Variants in PCNX1 observed in about 807,000 individuals in gnomAD.
PCNX1 encodes pecanex 1.
In PCNX1, 78 loss-of-function variants were observed where a neutral mutation model predicts 242.2. The observed-to-expected ratio is 0.32, with a 90% confidence interval of 0.27 to 0.39. PCNX1 has a LOEUF of 0.39. Ranked by LOEUF, PCNX1 falls within the 10% of genes least tolerant of loss-of-function variation. PCNX1 has a pLI of 1.00. For missense variants in PCNX1, 2,581 were observed against 2,856.5 expected (o/e 0.90, Z 2.20); for synonymous variants, 1,024 against 1,032.9 (o/e 0.99, Z 0.17).
intron 22 of PCNX1, among the ~76,000 whole-genome samples, chr14:71,050,063 TTAAAACA>T (rs2060978463): frequency 6.6e-6 from 1 of 152,234 alleles, no homozygotes; most frequent in African/African-American, 2.4e-5. Flanking sequence ...GACATTACAT[TTAAAACA>T]TAGTTTCCAA....
rs2062728723 is a variant in PCNX1, at chr14:71,110,184, T to C, written c.*249T>C. The C allele has an allele frequency of 1.9e-6, 1 of 527,216 alleles. No homozygotes were observed. Among genetic ancestry groups the C allele is most frequent in the Non-Finnish European group, 3.4e-6 (1 of 290,292 alleles). The allele number at this position is 527,216 out of a possible 1,614,324, so 32.7% of individuals were successfully genotyped here. A position where few individuals can be genotyped will look rare whatever the true frequency, so the allele number is the denominator to read the frequency against. ...CCGAGAAAACATTTTGCATGAAGGA[T>C]AAAGTTCTGTTAAAATACATCCTTA... On this transcript the variant is annotated 3_prime_UTR_variant, in exon 36 of 36. Transcript: ENST00000304743.
At chr14:71,102,286 T>G in intron 31 of PCNX1, 66 bp downstream of exon 31, 1 of 1,243,144 alleles carries the variant, frequency 8.0e-7, no homozygotes, top group Non-Finnish European at 1.2e-6. Context: ...TAAAATTTTT[T>G]TTTTTTGAGA....
chr14:71,029,322 C>T (rs956011316), intron 16 of PCNX1, among the ~76,000 whole-genome samples: 5 of 152,130 alleles, frequency 3.3e-5, no homozygotes. Context: ...TTGTAGACAG[C>T]TTTCAGCTCC....
At chr14:71,068,372 A>G (rs970029392) in intron 26 of PCNX1, among the ~76,000 whole-genome samples, 1 of 150,720 alleles carries the variant, frequency 6.6e-6, no homozygotes, top group Non-Finnish European at 1.5e-5. Context: ...ACATACATGT[A>G]TACATATATG....
intron 1 of PCNX1, among the ~76,000 whole-genome samples, chr14:70,923,868 A>G (rs1021026530): frequency 6.6e-5 from 10 of 152,198 alleles, no homozygotes; most frequent in Admixed American, 1.3e-4. Context: ...GTGTCCAGGT[A>G]CATTATTAAG....
chr14:71,041,125 C>T (rs1483824613), intron 19 of PCNX1, among the ~76,000 whole-genome samples: 2 of 152,132 alleles, frequency 1.3e-5, no homozygotes, highest in Non-Finnish European at 1.5e-5. Flanking sequence ...ATGAACAGTG[C>T]TGCAACAAAC....
At chr14:70,976,356 C>G (rs891117972) in intron 5 of PCNX1, among the ~76,000 whole-genome samples, 4 of 63,798 alleles carry the variant, frequency 6.3e-5, no homozygotes, top group African/African-American at 2.5e-4. Flanking sequence ...CTTTGTTGCT[C>G]TTTCTTTCTT....
rs751190993 is a variant in PCNX1 at position 70,995,810 on chromosome 14, G to C, written c.2514G>C (p.Gln838His). 1 of 1,614,062 alleles carries C rather than the reference G, an allele frequency of 6.2e-7. No individual in the cohort carries two copies. Among genetic ancestry groups the C allele is most frequent in the South Asian group, 1.1e-5 (1 of 91,080 alleles). ...QVKVQSRPPS[Q>H]AAVLSASASL... ...AAGTCCAGTCCCGCCCCCCTTCCCA[G>C]GCTGCAGTGCTCAGTGCTAGTGCCT... Residue 838 changes from glutamine (Q) to histidine (H), a missense_variant, in exon 8 of 36, where the codon CAG becomes CAC. Gln to His is a conservative substitution (Grantham distance 24). Around this residue, in one of 9 missense-constraint regions of PCNX1, gnomAD observed 1,204 missense variants for 1,216.7 expected, o/e 0.99. Transcript: ENST00000304743.
intron 5 of PCNX1, among the ~76,000 whole-genome samples, chr14:70,970,217 T>C (rs1051339877): frequency 6.6e-6 from 1 of 151,500 alleles, no homozygotes; most frequent in Non-Finnish European, 1.5e-5. Context: ...TAAAAAAAAT[T>C]TACCCGGGCA....
chr14:70,999,313 G>A (rs2140377843), intron 8 of PCNX1, among the ~76,000 whole-genome samples: 1 of 152,308 alleles, frequency 6.6e-6, no homozygotes, highest in Non-Finnish European at 1.5e-5. Flanking sequence ...GATGAGATCA[G>A]ATAGAACAGG....
chr14:71,031,357 C>T (rs2060378877), intron 16 of PCNX1, among the ~76,000 whole-genome samples: 1 of 152,142 alleles, frequency 6.6e-6, no homozygotes, highest in South Asian at 2.1e-4. Flanking sequence ...TGTGCAGGTA[C>T]AAGGCTGAGT....
chr14:70,978,794 G>A (rs2058754352), intron 6 of PCNX1, 146 bp downstream of exon 6: 1 of 750,226 alleles, frequency 1.3e-6, no homozygotes, highest in African/African-American at 1.8e-5. Context: ...GAAGAAGTAG[G>A]TGATTATCTT....
rs1258737489 is a variant in PCNX1, at chr14:71,103,396, T to C, written c.5822T>C (p.Val1941Ala). The change falls in exon 32 of 36, where the codon GTG becomes GCG. Residue 1941 changes from valine (V) to alanine (A), a missense_variant and splice_region_variant. Val to Ala is a moderately conservative substitution (Grantham distance 64). This residue lies in a region of PCNX1 where 298 missense variants were observed against 480.1 expected (regional missense o/e 0.62). Transcript: ENST00000304743. ...ATTCCCTTGTGTTCTGGTTTTCAGG[T>C]GAATAAGGAATGTGTCCGAGGTCTT... is the stretch of plus-strand genomic sequence containing the variant. ...RRYLSFRVIK[V>A]NKECVRGLWA... 1.2e-6 allele frequency: 2 copies of C among 1,613,654 alleles called. No individual in the cohort carries two copies. Among genetic ancestry groups the C allele is most frequent in the Non-Finnish European group, 1.7e-6 (2 of 1,179,698 alleles).
rs1173437846 is a variant in PCNX1, at chr14:71,056,835, T to C, written c.4637-674T>C. ...CTGGGATTACAGGCGTGCACCATGA[T>C]GCCCAGCTAATTTTTGTATTTTTAG... is the stretch of plus-strand genomic sequence containing the variant. On this transcript the variant is annotated intron_variant, in intron 25 of 35. Transcript: ENST00000304743. Among the ~76,000 whole-genome samples the C allele has an allele frequency of 2.0e-5, 3 of 152,120 alleles. No homozygotes were observed. The East Asian group carries it at 5.8e-4, about 29-fold the overall frequency.
intron 1 of PCNX1, among the ~76,000 whole-genome samples, chr14:70,936,833 G>T (rs577423252): frequency 6.6e-6 from 1 of 152,220 alleles, no homozygotes; most frequent in South Asian, 2.1e-4. Context: ...TCTAACTGGT[G>T]TGAGATGGTA....
chr14:71,006,104 TG>T (rs2059655072), intron 8 of PCNX1, among the ~76,000 whole-genome samples: 1 of 392 alleles, frequency 2.6e-3, no homozygotes, highest in African/African-American at 0.014. Context: ...TGTGTGTGTC[TG>T]TGTGTGTGTG....
In PCNX1 at chr14:71,023,181, C is replaced by T; in HGVS notation, c.3151-19C>T. 2.5e-6 allele frequency: 4 copies of T among 1,599,172 alleles called. No individual in the cohort carries two copies. Among genetic ancestry groups the T allele is most frequent in the Non-Finnish European group, 3.4e-6 (4 of 1,167,206 alleles). On this transcript the variant is annotated intron_variant, in intron 12 of 35. Transcript: ENST00000304743. Reference sequence around the variant, plus strand: ...GCAAGACTTCAGGAGTGTAATTTGTCTTTCTGTTTCATTTTTAGAGTGTTC... The same window carrying T: ...GCAAGACTTCAGGAGTGTAATTTGTTTTTCTGTTTCATTTTTAGAGTGTTC...
chr14:70,948,921 G>A (rs534310765), intron 2 of PCNX1, among the ~76,000 whole-genome samples: 1 of 146,058 alleles, frequency 6.8e-6, no homozygotes, highest in African/African-American at 2.5e-5. Context: ...GTATATATGT[G>A]TATATATGTA....
intron 1 of PCNX1, among the ~76,000 whole-genome samples, chr14:70,921,702 A>G (rs915772809): frequency 6.6e-6 from 1 of 152,206 alleles, no homozygotes; most frequent in Non-Finnish European, 1.5e-5. Flanking sequence ...TTTCAAATGT[A>G]TAAGAAAATT....
Sources: allele counts gnomAD v4.1 joint callset (sites outside exome capture counted in the v4.1 genomes callset), GRCh38; gene constraint gnomAD v4.1.1; regional missense constraint gnomAD v4.1.1; transcripts MANE v1.5; gene names NCBI Gene and HGNC (gene_info 2026-07-23, HGNC 2026-07-21).